The following NAV1 variants were observed in gnomAD, a reference collection of about 807,000 sequenced individuals.
The protein encoded by NAV1 is pore membrane and/or filament interacting like protein 3.
A neutral mutation model predicts 175.2 loss-of-function variants in NAV1; 18 were observed. The observed-to-expected ratio is 0.10, with a 90% CI of 0.07 to 0.15. NAV1 has a LOEUF of 0.15. Among genes scored for constraint, NAV1 ranks in the 10% least tolerant of loss-of-function variants. NAV1 has a pLI of 1.00. For synonymous variants in NAV1, 897 were observed against 978.7 expected, an observed-to-expected ratio of 0.92 and a Z score of 1.56; for missense variants, 1,731 against 2,436.6, an observed-to-expected ratio of 0.71 and a Z score of 6.10.
At chr1:201,572,760 A>G (rs1558002378) in intron 1 of NAV1, among the ~76,000 whole-genome samples, 1 of 152,188 alleles carries the variant, frequency 6.6e-6, no homozygotes, top group East Asian at 1.9e-4. Context: ...CACAAGACTC[A>G]AAGGAGGCAG....
chr1:201,724,834 C>T (rs1176625329), intron 3 of NAV1: 2 of 152,786 alleles, frequency 1.3e-5, no homozygotes, highest in African/African-American at 4.8e-5. Flanking sequence ...GCCCCTTCCT[C>T]CACTCCCCAG....
chr1:201,658,203 C>G (rs1669477783), intron 1 of NAV1, among the ~76,000 whole-genome samples: 1 of 152,182 alleles, frequency 6.6e-6, no homozygotes, highest in East Asian at 1.9e-4. Context: ...CGGCAGAGCA[C>G]TGTGCTTCCT....
At chr1:201,542,722 A>G (rs949001572) in intron 1 of NAV1, among the ~76,000 whole-genome samples, 2 of 152,154 alleles carry the variant, frequency 1.3e-5, no homozygotes, top group African/African-American at 4.8e-5. Context: ...CACCCCATCA[A>G]ATCTATTTGC....
intron 1 of NAV1, among the ~76,000 whole-genome samples, chr1:201,687,180 C>T (rs556352661): frequency 7.2e-5 from 11 of 152,282 alleles, no homozygotes; most frequent in African/African-American, 2.6e-4. Flanking sequence ...ATTTTACCAC[C>T]GAATCCAAAT....
chr1:201,630,311 C>G (rs961391043), intron 2 of NAV1, among the ~76,000 whole-genome samples: 5 of 152,208 alleles, frequency 3.3e-5, no homozygotes, highest in Non-Finnish European at 7.3e-5. Context: ...CTTTCCCAGA[C>G]AAAGGGAAAC....
intron 3 of NAV1, among the ~76,000 whole-genome samples, chr1:201,744,567 C>T (rs544372567): frequency 6.6e-6 from 1 of 152,144 alleles, no homozygotes; most frequent in African/African-American, 2.4e-5. Flanking sequence ...CAGGAGGATG[C>T]AGTCTGGTTG....
chr1:201,572,953 G>C (rs368475757), intron 1 of NAV1, among the ~76,000 whole-genome samples: 62 of 151,906 alleles, frequency 4.1e-4, no homozygotes, highest in Middle Eastern at 6.8e-3. Context: ...ACTCCATCTT[G>C]CCCCTGCCCA....
At chr1:201,572,004 T>G (rs1666558198) in intron 1 of NAV1, among the ~76,000 whole-genome samples, 1 of 152,192 alleles carries the variant, frequency 6.6e-6, no homozygotes, top group African/African-American at 2.4e-5. Flanking sequence ...ACTCACTCAG[T>G]CATTCACTCA....
intron 1 of NAV1, among the ~76,000 whole-genome samples, chr1:201,548,948 G>A (rs932016444): frequency 6.6e-6 from 1 of 152,202 alleles, no homozygotes; most frequent in African/African-American, 2.4e-5. Flanking sequence ...TTGGACAATA[G>A]AATGGAGTTG....
Position 201,656,427 on chromosome 1 carries a change from C to T in NAV1, c.757+7002C>T, listed in dbSNP as rs530324125. On this transcript the variant is annotated intron_variant, in intron 1 of 29. Transcript: ENST00000367296. ...TCAAGGTTATCCAGTTGAGGTGTTGCTGTTGGGTGTGGTCTGGTCTGAAAG... is the reference window on the plus strand; with the variant it reads ...TCAAGGTTATCCAGTTGAGGTGTTGTTGTTGGGTGTGGTCTGGTCTGAAAG... Among the ~76,000 whole-genome samples, 4 of 152,300 alleles carry T rather than the reference C, an allele frequency of 2.6e-5. No homozygotes were observed. In the South Asian group the frequency reaches 8.3e-4, roughly 32 times the overall value.
At chr1:201,671,935 T>A (rs1211729341) in intron 1 of NAV1, among the ~76,000 whole-genome samples, 1 of 152,198 alleles carries the variant, frequency 6.6e-6, no homozygotes, top group Non-Finnish European at 1.5e-5. Context: ...GTCAGAGATA[T>A]AAGACTCTCT....
rs1406825821 is a variant in NAV1 at position 201,787,686 on chromosome 1, G to A, written c.2996-782G>A. 1.8e-5 allele frequency: 8 copies of A among 456,166 alleles called. No homozygotes were observed. Among genetic ancestry groups the A allele is most frequent in the Non-Finnish European group, 3.5e-5 (8 of 226,968 alleles). 28.3% of individuals were successfully genotyped at this position (456,166 alleles called of 1,614,324 possible). A position where few individuals can be genotyped will look rare whatever the true frequency, so the allele number is the denominator to read the frequency against. ...GGACAGATTAGACATCCACCTGCCT[G>A]TATGGAGGCAGAAGAATAGACAAGG... On this transcript the variant is annotated intron_variant, in intron 9 of 29. Coordinates refer to ENST00000367296, the Ensembl canonical transcript of NAV1. This position sits in a 1 kb window ranked among gnomAD's most constrained non-coding sequence, Gnocchi z 4.3.
At chr1:201,805,946 C>A (rs889993530) in intron 17 of NAV1, among the ~76,000 whole-genome samples, 1 of 151,138 alleles carries the variant, frequency 6.6e-6, no homozygotes, top group Non-Finnish European at 1.5e-5. Context: ...GTGATACCAT[C>A]GTCAAATAAA....
rs775616504 is a variant in NAV1 at position 201,808,068 on chromosome 1, A to G, written c.3764A>G (p.Lys1255Arg). 1.9e-6 allele frequency: 3 copies of G among 1,614,084 alleles called. No homozygotes were observed. Among genetic ancestry groups the G allele is most frequent in the Non-Finnish European group, 2.5e-6 (3 of 1,180,014 alleles). ...GACTCTTCAGCCCCCTCATCCCCCA[A>G]ACTACAGCATGGTTCTACAGAGACT... is the stretch of plus-strand genomic sequence containing the variant. The change falls in exon 18 of 30, where the codon AAA (lysine) becomes AGA (arginine). Residue 1255 changes from lysine to arginine, a missense_variant. Physicochemically the swap from Lys to Arg is conservative, Grantham distance 26. Coordinates refer to ENST00000367296, the Ensembl canonical transcript of NAV1. The surrounding 1 kb of genome is among the most constrained non-coding windows in gnomAD (Gnocchi z 5.5).
rs1375043486 is a variant in NAV1 at position 201,787,432 on chromosome 1, G to A, written c.2995+855G>A. 2.6e-5 allele frequency among the ~76,000 whole-genome samples: 4 copies of A among 152,162 alleles called. No homozygotes were observed. Among genetic ancestry groups the A allele is most frequent in the African/African-American group, 9.7e-5 (4 of 41,434 alleles). On this transcript the variant is annotated intron_variant, in intron 9 of 29. Transcript: ENST00000367296. This position sits in a 1 kb window ranked among gnomAD's most constrained non-coding sequence, Gnocchi z 4.3. The stretch of plus-strand genomic sequence containing the variant: ...GAATTTGAGGAAAGACTAGGAATTG[G>A]GATCACTTGGCCTAGGGAAAAGAAC...
At chr1:201,607,106 A>T (rs747940467) in intron 2 of NAV1, among the ~76,000 whole-genome samples, 1 of 148,624 alleles carries the variant, frequency 6.7e-6, no homozygotes, top group Non-Finnish European at 1.5e-5. Flanking sequence ...GTGGTCAAAT[A>T]ATTTTTTTCT....
intron 1 of NAV1, among the ~76,000 whole-genome samples, chr1:201,706,254 GGTGTGTGT>G (rs71138350): frequency 6.7e-6 from 1 of 148,780 alleles, no homozygotes; most frequent in Non-Finnish European, 1.5e-5. Flanking sequence ...ATTAAGAAGG[GGTGTGTGT>G]GTGTGTGTGT....
exon 30 of NAV1, chr1:201,822,270 C>T (rs1020681215): frequency 1.3e-5 from 2 of 152,770 alleles, no homozygotes; most frequent in African/African-American, 4.8e-5. Context: ...GAGGAGGCCC[C>T]CGAGCTGGCT....
chr1:201,569,779 A>G (rs1000105439), intron 1 of NAV1, among the ~76,000 whole-genome samples: 4 of 152,348 alleles, frequency 2.6e-5, no homozygotes, highest in Admixed American at 2.6e-4. Flanking sequence ...CCGCTGGTCC[A>G]GTTCTCTCCC....
Sources: allele counts gnomAD v4.1 joint callset (sites outside exome capture counted in the v4.1 genomes callset), GRCh38; gene constraint gnomAD v4.1.1; non-coding constraint Gnocchi (gnomAD v3.1); transcripts MANE v1.5; gene names NCBI Gene and HGNC (gene_info 2026-07-23, HGNC 2026-07-21).